The following CEP192 variants were observed in gnomAD, a reference collection of about 807,000 sequenced individuals.
The protein encoded by CEP192 is centrosomal protein of 192 kDa.
CEP192 carries 151 observed loss-of-function variants against 271.8 expected under a neutral mutation model. The ratio of observed to expected loss-of-function variants is 0.56; its 90% CI spans 0.49 to 0.64. The LOEUF (loss-of-function observed/expected upper bound fraction) is 0.64, where lower values mean the gene tolerates loss of function less well. CEP192 is among the 30% of genes least tolerant of loss of function. CEP192 has a pLI of 0.00. For missense variants in CEP192, 2,910 were observed against 3,020.5 expected (o/e 0.96, Z 0.86); for synonymous variants, 995 against 1,076.5 (o/e 0.92, Z 1.48).
At chr18:13,042,430 T>C in intron 15 of CEP192, 96 bp downstream of exon 15, 3 of 1,264,872 alleles carry the variant, frequency 2.4e-6, no homozygotes, top group Non-Finnish European at 3.3e-6. Context: ...TTATGCCGTT[T>C]AACATCTTTT....
chr18:13,071,962 A>G (rs1183833737), intron 28 of CEP192, among the ~76,000 whole-genome samples: 1 of 152,238 alleles, frequency 6.6e-6, no homozygotes, highest in African/African-American at 2.4e-5. Flanking sequence ...TTTACAAATT[A>G]TTAAATAAAT....
At chr18:13,086,321 T>C (rs2038894481) in intron 30 of CEP192, among the ~76,000 whole-genome samples, 4 of 152,244 alleles carry the variant, frequency 2.6e-5, no homozygotes, top group Admixed American at 2.6e-4. Flanking sequence ...TCATGTCACC[T>C]GCAAAGAGAG....
chr18:13,047,637 G>A (rs1006355000), intron 15 of CEP192, among the ~76,000 whole-genome samples: 6 of 152,178 alleles, frequency 3.9e-5, no homozygotes, highest in African/African-American at 1.2e-4. Flanking sequence ...TGTTCTTAGC[G>A]AGAGGTTGGT....
At chr18:12,997,645 A>G (rs79679706) in intron 1 of CEP192, among the ~76,000 whole-genome samples, 5,172 of 152,242 alleles carry the variant, frequency 0.034, 175 homozygotes, top group East Asian at 0.14. Flanking sequence ...CTCAGGGGGA[A>G]TTGGGTTTTC....
At position 13,018,545 on chromosome 18, in the gene CEP192, C is replaced by T. The variant is rs1034723868; in HGVS notation, c.855C>T (p.Leu285=). The part of the protein sequence containing the change: ...QSENNSSLIS[L]DSHSSETTHK... Reference sequence around the variant, plus strand: ...AAAATAACAGCTCTCTGATTTCCCTCGACTCACACTCTTCTGAAACAACTC... The same window carrying T: ...AAAATAACAGCTCTCTGATTTCCCTTGACTCACACTCTTCTGAAACAACTC... Residue 285 remains leucine, a synonymous_variant, in exon 8 of 45, where the codon CTC becomes CTT. Coordinates refer to ENST00000506447, the MANE Select transcript of CEP192 (RefSeq NM_032142.4). The T allele has an allele frequency of 1.5e-5, 23 of 1,540,586 alleles. No individual in the cohort carries two copies. Among genetic ancestry groups the T allele is most frequent in the Middle Eastern group, 1.7e-4 (1 of 5,980 alleles).
At chr18:12,992,583 G>A (rs1169787311) in intron 1 of CEP192, among the ~76,000 whole-genome samples, 1 of 152,202 alleles carries the variant, frequency 6.6e-6, no homozygotes, top group African/African-American at 2.4e-5. Context: ...GATGATGGAG[G>A]AGGGGTGGGT....
rs764493549 is a variant in CEP192, at chr18:13,057,596, G to C, written c.4120G>C (p.Val1374Leu). 1 of 1,613,912 alleles carries C rather than the reference G, an allele frequency of 6.2e-7. No homozygotes were observed. Among genetic ancestry groups the C allele is most frequent in the Non-Finnish European group, 8.5e-7 (1 of 1,179,948 alleles). The change falls in exon 20 of 45, where the codon GTG (valine) becomes CTG (leucine). Residue 1374 changes from valine (V) to leucine (L), a missense_variant. Coordinates refer to ENST00000506447, the MANE Select transcript of CEP192 (RefSeq NM_032142.4). ...TTATTCTCACCCAGGGAGTGTCCGAGTGCCCGAGGAGTTGAAGCTTCCTCA... is the reference window on the plus strand; with the variant it reads ...TTATTCTCACCCAGGGAGTGTCCGACTGCCCGAGGAGTTGAAGCTTCCTCA... ...GVTSGLGSVR[V>L]PEELKLPHAC...
At chr18:13,024,353 A>G (rs530972978) in intron 9 of CEP192, 5 of 456,178 alleles carry the variant, frequency 1.1e-5, no homozygotes, top group East Asian at 7.0e-5. Context: ...ATCTTTCTCC[A>G]TCCATTTACT....
At position 13,113,044 on chromosome 18, in the gene CEP192, T is replaced by C. The variant is rs1305774283; in HGVS notation, c.7048-542T>C. 2.6e-5 allele frequency among the ~76,000 whole-genome samples: 4 copies of C among 152,270 alleles called. 1 individual carries two copies. Among genetic ancestry groups the C allele is most frequent in the Admixed American group, 2.6e-4 (4 of 15,288 alleles). On this transcript the variant is annotated intron_variant, in intron 40 of 44. Coordinates refer to ENST00000506447, the MANE Select transcript of CEP192 (RefSeq NM_032142.4). ...ATGCAGGGTGTTTATCACTGAGCTA[T>C]GTGCCCAGGGTCACTGGCTGACTGA...
At chr18:12,999,007 T>C (rs1181479955) in intron 1 of CEP192, among the ~76,000 whole-genome samples, 1 of 152,222 alleles carries the variant, frequency 6.6e-6, no homozygotes, top group Admixed American at 6.5e-5. Flanking sequence ...GGTTGTACTT[T>C]TTCTGTTCCG....
intron 30 of CEP192, among the ~76,000 whole-genome samples, chr18:13,080,664 C>A (rs1234732129): frequency 6.6e-6 from 1 of 152,170 alleles, no homozygotes. Context: ...GCCAGAACTT[C>A]CACCACTATG....
chr18:13,009,813 A>C (rs2034224371), intron 4 of CEP192, among the ~76,000 whole-genome samples: 1 of 152,220 alleles, frequency 6.6e-6, no homozygotes, highest in South Asian at 2.1e-4. Flanking sequence ...AGCCTGGGTG[A>C]CAGTGTAAGC....
chr18:13,064,341 G>A (rs964182255), intron 21 of CEP192, among the ~76,000 whole-genome samples: 24 of 151,690 alleles, frequency 1.6e-4, no homozygotes, highest in African/African-American at 3.4e-4. Flanking sequence ...GGCCGGGCAC[G>A]GTGGCTCATG....
intron 40 of CEP192, among the ~76,000 whole-genome samples, chr18:13,111,859 CAT>C (rs2040225278): frequency 3.3e-5 from 5 of 152,152 alleles, no homozygotes; most frequent in South Asian, 4.1e-4. Context: ...GGTCAATAAA[CAT>C]GTGAGAAGAT....
At chr18:13,040,791 G>GA (rs1568321506) in intron 13 of CEP192, 39 bp from the exon 14 acceptor site, 1 of 1,504,266 alleles carries the variant, frequency 6.6e-7, no homozygotes, top group Non-Finnish European at 9.1e-7. Flanking sequence ...CAAAGCAGTT[G>GA]AAAATCAAAG....
intron 30 of CEP192, among the ~76,000 whole-genome samples, chr18:13,074,852 C>T (rs2038189756): frequency 6.6e-6 from 1 of 152,218 alleles, no homozygotes; most frequent in Non-Finnish European, 1.5e-5. Flanking sequence ...ACTTACCTCT[C>T]TCATCTCATC....
chr18:13,098,300 G>C (rs1478426280), intron 36 of CEP192, among the ~76,000 whole-genome samples: 1 of 151,886 alleles, frequency 6.6e-6, no homozygotes, highest in Non-Finnish European at 1.5e-5. Context: ...TCCTGGATGG[G>C]GCGGCTGGCC....
At chr18:13,081,630 A>G (rs949285536) in intron 30 of CEP192, among the ~76,000 whole-genome samples, 2 of 152,054 alleles carry the variant, frequency 1.3e-5, no homozygotes, top group Admixed American at 6.5e-5. Context: ...TTGTGTCTCT[A>G]TCTCCTTCAG....
intron 7 of CEP192, among the ~76,000 whole-genome samples, chr18:13,017,910 G>A (rs969045729): frequency 2.0e-5 from 3 of 152,080 alleles, no homozygotes; most frequent in Non-Finnish European, 4.4e-5. Context: ...ATTTGGAGTA[G>A]TTCTTTCATG....
Sources: allele counts gnomAD v4.1 joint callset (sites outside exome capture counted in the v4.1 genomes callset), GRCh38; gene constraint gnomAD v4.1.1; transcripts MANE v1.5; gene names NCBI Gene and HGNC (gene_info 2026-07-23, HGNC 2026-07-21).